ZNF846: variants seen among roughly 807,000 people sequenced by gnomAD.
The protein encoded by ZNF846 is zinc finger protein 420 pseudogene.
A neutral mutation model predicts 16.0 loss-of-function variants in ZNF846; 15 were observed. That is an observed-to-expected ratio of 0.94 (90% CI 0.63 to 1.45). ZNF846 has a LOEUF of 1.45. ZNF846 is among the 40% of genes most tolerant of loss of function. ZNF846 has a pLI of 0.00. For synonymous variants in ZNF846, 229 were observed against 212.0 expected (o/e 1.08, Z -0.70); for missense variants, 714 against 622.3 (o/e 1.15, Z -1.57).
upstream of ZNF846, among the ~76,000 whole-genome samples, chr19:9,769,059 C>A (rs1033678749): frequency 1.3e-5 from 2 of 152,164 alleles, no homozygotes; most frequent in Non-Finnish European, 2.9e-5. Context: ...GGATGCTCAT[C>A]GAGTGCTTTT....
intron 3 of ZNF846, chr19:9,762,407 G>C (rs1014147360): frequency 2.7e-6 from 1 of 369,590 alleles, no homozygotes; most frequent in Non-Finnish European, 5.0e-6. Context: ...GGAAGCCAAG[G>C]CAGGGAGATC....
chr19:9,768,641 C>G (rs1000133269), upstream of ZNF846: 3 of 152,344 alleles, frequency 2.0e-5, no homozygotes, highest in East Asian at 1.9e-4. Flanking sequence ...CTCCGCCTCC[C>G]GCTAGGCCCT....
At chr19:9,752,726 T>C (rs1440890632), downstream of ZNF846, among the ~76,000 whole-genome samples, 1 of 152,024 alleles carries the variant, frequency 6.6e-6, no homozygotes, top group African/African-American at 2.4e-5. Flanking sequence ...AGCTTTTTGC[T>C]TATCTCATAC....
downstream of ZNF846, among the ~76,000 whole-genome samples, chr19:9,757,187 T>A (rs1218326292): frequency 6.7e-6 from 1 of 149,250 alleles, no homozygotes; most frequent in Non-Finnish European, 1.5e-5. Flanking sequence ...AGAGAGAGAC[T>A]CTGTCTCAAA....
chr19:9,757,213 TAAAC>T (rs2045145765), downstream of ZNF846, among the ~76,000 whole-genome samples: 1 of 149,242 alleles, frequency 6.7e-6, no homozygotes, highest in Non-Finnish European at 1.5e-5. Context: ...AAAAGAAAAA[TAAAC>T]AATAGTGGAA....
At chr19:9,773,518 A>G (rs1289904922), upstream of ZNF846, among the ~76,000 whole-genome samples, 1 of 152,214 alleles carries the variant, frequency 6.6e-6, no homozygotes, top group African/African-American at 2.4e-5. Flanking sequence ...ACGGTGGCTC[A>G]CACCTGTAAT....
intron 1 of ZNF846, among the ~76,000 whole-genome samples, chr19:9,783,157 C>A (rs1160524509): frequency 4.6e-5 from 7 of 151,524 alleles, no homozygotes; most frequent in Non-Finnish European, 1.0e-4. Flanking sequence ...ACTTGAGCCA[C>A]CCCTTGGCCT....
downstream of ZNF846, among the ~76,000 whole-genome samples, chr19:9,755,844 AT>A (rs1355948830): frequency 1.1e-3 from 117 of 106,980 alleles, no homozygotes; most frequent in South Asian, 3.2e-3. Context: ...GTATTACCAG[AT>A]TTTTTTTTTT....
chr19:9,783,218 C>CTT lies in ZNF846; in HGVS notation c.-86+2718_-86+2719dup, dbSNP rs74183307. On this transcript the variant is annotated intron_variant, in intron 1 of 4. Transcript: ENST00000586814. The stretch of plus-strand genomic sequence containing the variant: ...AGTACCTGGACTTCTCCCTATAATT[C>CTT]TTTTTTTTTTTTTTTTTTTTTTTTT... Among the ~76,000 whole-genome samples the CTT allele has an allele frequency of 5.7e-3, 372 of 65,418 alleles. 56 individuals are homozygous for CTT. Among genetic ancestry groups the CTT allele is most frequent in the African/African-American group, 0.01 (162 of 15,824 alleles). The allele number at this position is 65,418 out of a possible 152,430, so 42.9% of individuals were successfully genotyped here.
chr19:9,785,200 A>ATTTTTTT (rs36014913), intron 1 of ZNF846, among the ~76,000 whole-genome samples: 1 of 114,656 alleles, frequency 8.7e-6, no homozygotes. Context: ...CTTCACCGAG[A>ATTTTTTT]TTTTTTTTTT....
chr19:9,754,735 T>C (rs917965595), downstream of ZNF846, among the ~76,000 whole-genome samples: 2 of 151,496 alleles, frequency 1.3e-5, no homozygotes, highest in African/African-American at 4.9e-5. Context: ...TTTCTGTATG[T>C]CTTACAGCTT....
At chr19:9,753,422 T>C (rs1234715158), downstream of ZNF846, among the ~76,000 whole-genome samples, 2 of 149,326 alleles carry the variant, frequency 1.3e-5, no homozygotes, top group East Asian at 3.9e-4. Context: ...GGGCTGATTT[T>C]TTTTTTTTTT....
upstream of ZNF846, among the ~76,000 whole-genome samples, chr19:9,770,570 CAATAAA>C (rs1285302059): frequency 6.7e-6 from 1 of 148,232 alleles, no homozygotes; most frequent in Middle Eastern, 3.3e-3. Context: ...ACACTTTTGT[CAATAAA>C]AATAAGAATA....
intron 1 of ZNF846, among the ~76,000 whole-genome samples, chr19:9,766,412 CA>C (rs58139573): frequency 0.24 from 17,032 of 72,462 alleles, 1,322 homozygotes; most frequent in African/African-American, 0.4. Context: ...GACTCTGTCA[CA>C]AAAAAAAAAA....
chr19:9,759,524 G>C (rs1381867126), intron 5 of ZNF846, among the ~76,000 whole-genome samples: 3 of 151,606 alleles, frequency 2.0e-5, no homozygotes, highest in Admixed American at 6.6e-5. Context: ...GATCATTTGA[G>C]CCCAGGAAAC....
exon 6 of ZNF846, chr19:9,758,612 A>G: frequency 6.2e-7 from 1 of 1,613,078 alleles, no homozygotes; most frequent in Non-Finnish European, 8.5e-7. Context: ...AACTATGAGG[A>G]AAGTTCTTTC....
At chr19:9,782,054 T>C (rs573456825) in intron 1 of ZNF846, among the ~76,000 whole-genome samples, 8 of 151,602 alleles carry the variant, frequency 5.3e-5, no homozygotes, top group Admixed American at 3.9e-4. Context: ...TGGGATTACA[T>C]GTGTGAGCCA....
chr19:9,775,174 C>CAT (rs1451855489), intron 1 of ZNF846, among the ~76,000 whole-genome samples: 1 of 147,700 alleles, frequency 6.8e-6, no homozygotes, highest in Non-Finnish European at 1.5e-5. Context: ...AATATATATA[C>CAT]ATATATATGT....
chr19:9,750,386 A>G (rs563951490), downstream of ZNF846, among the ~76,000 whole-genome samples: 5 of 152,250 alleles, frequency 3.3e-5, no homozygotes, highest in South Asian at 1.0e-3. Context: ...CAGTTGCACC[A>G]TCAATCCCCA....
Sources: gnomAD v4.1 joint callset for allele counts (sites outside exome capture counted in the v4.1 genomes callset) on GRCh38, gnomAD v4.1.1 for gene constraint, MANE v1.5 for transcripts, NCBI Gene and HGNC (gene_info 2026-07-23, HGNC 2026-07-21) for gene names.